Variants in PCBP3 observed in about 807,000 individuals in gnomAD.
PCBP3 encodes poly(rC)-binding protein 3.
PCBP3 carries 25 observed loss-of-function variants against 52.7 expected under a neutral mutation model. That is an observed-to-expected ratio of 0.47 (90% CI 0.35 to 0.66). PCBP3 has a LOEUF of 0.66. Ranked by LOEUF, PCBP3 falls within the 30% of genes least tolerant of loss-of-function variation. PCBP3 has a pLI of 0.01. For synonymous variants in PCBP3, 162 were observed against 183.0 expected (o/e 0.89, Z 0.93); for missense variants, 391 against 490.3 (o/e 0.80, Z 1.91).
At chr21:45,822,405 A>G (rs904713820) in intron 4 of PCBP3, among the ~76,000 whole-genome samples, 2 of 152,264 alleles carry the variant, frequency 1.3e-5, no homozygotes, top group Non-Finnish European at 2.9e-5. Context: ...AATCAACCAT[A>G]GCAAGAACTG....
chr21:45,671,632 C>T (rs970885116), intron 2 of PCBP3, among the ~76,000 whole-genome samples: 1 of 152,130 alleles, frequency 6.6e-6, no homozygotes, highest in Non-Finnish European at 1.5e-5. Flanking sequence ...TAGAAAGAAC[C>T]TGTTACAGGA....
chr21:45,832,717 A>C (rs866407226), intron 4 of PCBP3: 1 of 152,278 alleles, frequency 6.6e-6, no homozygotes, highest in Admixed American at 6.5e-5. Flanking sequence ...CAGCTGTATT[A>C]GTTCGTTTTC....
At chr21:45,895,550 G>C (rs2095802147) in intron 5 of PCBP3, among the ~76,000 whole-genome samples, 1 of 152,242 alleles carries the variant, frequency 6.6e-6, no homozygotes, top group Non-Finnish European at 1.5e-5. Flanking sequence ...GTCATAAAAT[G>C]AGGCCTTAAT....
At chr21:45,824,820 C>G (rs887628612) in intron 4 of PCBP3, among the ~76,000 whole-genome samples, 1 of 152,232 alleles carries the variant, frequency 6.6e-6, no homozygotes, top group Non-Finnish European at 1.5e-5. Context: ...CATAGATGGC[C>G]TGCATCTGGC....
intron 13 of PCBP3, among the ~76,000 whole-genome samples, chr21:45,921,795 G>A (rs931730956): frequency 1.4e-5 from 2 of 146,210 alleles, no homozygotes; most frequent in Non-Finnish European, 1.5e-5. Flanking sequence ...CTCCAGCCTG[G>A]GCGACAGAAC....
intron 3 of PCBP3, among the ~76,000 whole-genome samples, chr21:45,739,521 A>G (rs1194972168): frequency 8.5e-6 from 1 of 117,422 alleles, no homozygotes; most frequent in African/African-American, 3.4e-5. Context: ...CTTCCCGTCC[A>G]TGGTCTTCTG....
chr21:45,711,121 T>C (rs1456013462), intron 2 of PCBP3, among the ~76,000 whole-genome samples: 1 of 152,244 alleles, frequency 6.6e-6, no homozygotes, highest in Middle Eastern at 3.2e-3. Context: ...GAGTCCTGGT[T>C]CCTTTTATTG....
chr21:45,848,626 TC>T (rs1172582820), intron 4 of PCBP3, among the ~76,000 whole-genome samples: 2 of 152,228 alleles, frequency 1.3e-5, no homozygotes, highest in African/African-American at 4.8e-5. Context: ...TCATTCTCTT[TC>T]ATTTCTGTCC....
intron 4 of PCBP3, among the ~76,000 whole-genome samples, chr21:45,812,933 C>G (rs1347600724): frequency 6.6e-6 from 1 of 151,988 alleles, no homozygotes; most frequent in African/African-American, 2.4e-5. Context: ...GTATTTTTTT[C>G]CTATTGCTTT....
chr21:45,647,743 G>T (rs1467804022), intron 1 of PCBP3, among the ~76,000 whole-genome samples: 1 of 152,060 alleles, frequency 6.6e-6, no homozygotes, highest in African/African-American at 2.4e-5. Context: ...GATGGAGGGG[G>T]GTGAAAGTGG....
At chr21:45,697,711 C>A (rs986480878) in intron 2 of PCBP3, among the ~76,000 whole-genome samples, 24 of 150,626 alleles carry the variant, frequency 1.6e-4, no homozygotes, top group Non-Finnish European at 1.5e-5. Context: ...TGACACTGCA[C>A]TCCACTGCAC....
intron 4 of PCBP3, among the ~76,000 whole-genome samples, chr21:45,792,395 C>G (rs2091663495): frequency 6.6e-6 from 1 of 152,186 alleles, no homozygotes; most frequent in South Asian, 2.1e-4. Flanking sequence ...GGGGCCCTCC[C>G]AGGAAGCCCC....
chr21:45,850,201 C>T, intron 5 of PCBP3, 106 bp downstream of exon 5: 1 of 903,536 alleles, frequency 1.1e-6, no homozygotes, highest in South Asian at 1.4e-5. Flanking sequence ...TGACACAGTG[C>T]TGTATTTCAC....
At chr21:45,894,316 G>A (rs1209692786) in intron 5 of PCBP3, among the ~76,000 whole-genome samples, 2 of 152,188 alleles carry the variant, frequency 1.3e-5, no homozygotes, top group Non-Finnish European at 2.9e-5. Flanking sequence ...TGGAAACCTT[G>A]ACATAACAGA....
intron 5 of PCBP3, among the ~76,000 whole-genome samples, chr21:45,884,623 C>T (rs955975984): frequency 1.3e-5 from 2 of 152,010 alleles, no homozygotes; most frequent in African/African-American, 2.4e-5. Context: ...TGCAGTGACA[C>T]GATCATGGCT....
At chr21:45,793,287 A>G (rs538884406) in intron 4 of PCBP3, among the ~76,000 whole-genome samples, 1 of 152,234 alleles carries the variant, frequency 6.6e-6, no homozygotes, top group South Asian at 2.1e-4. Context: ...ATAGCCACGG[A>G]CTATTGAGAA....
chr21:45,926,071 G>C (rs1249133165), intron 13 of PCBP3, among the ~76,000 whole-genome samples: 2 of 152,182 alleles, frequency 1.3e-5, no homozygotes, highest in Non-Finnish European at 2.9e-5. Flanking sequence ...AATTGGAATC[G>C]TATCGACCAC....
chr21:45,690,534 AG>A (rs2082397860), intron 2 of PCBP3, among the ~76,000 whole-genome samples: 1 of 152,184 alleles, frequency 6.6e-6, no homozygotes, highest in African/African-American at 2.4e-5. Flanking sequence ...CAAAATGAAA[AG>A]GCAAATAGAA....
chr21:45,815,416 A>G (rs369956684), intron 4 of PCBP3, among the ~76,000 whole-genome samples: 134 of 54,498 alleles, frequency 2.5e-3, no homozygotes, highest in African/African-American at 2.9e-3. Context: ...GTGGTGAGTG[A>G]TGAGTGAGTG....
Sources: gnomAD v4.1 joint callset for allele counts (sites outside exome capture counted in the v4.1 genomes callset) on GRCh38, gnomAD v4.1.1 for gene constraint, MANE v1.5 for transcripts, NCBI Gene and HGNC (gene_info 2026-07-23, HGNC 2026-07-21) for gene names.